Variants in AOAH observed in about 807,000 individuals in gnomAD.
The protein encoded by AOAH is acyloxyacyl hydrolase, also known as acyloxyacyl hydrolase (neutrophil).
Under a neutral mutation model 92.2 loss-of-function variants are expected in AOAH, and 64 were observed. The observed-to-expected ratio is 0.69, with a 90% confidence interval of 0.57 to 0.86. The LOEUF is 0.86. Among genes scored for constraint, AOAH ranks in the 40% least tolerant of loss-of-function variants. The pLI is 0.00. For synonymous variants in AOAH, 263 were observed against 254.5 expected (o/e 1.03, Z -0.32); for missense variants, 656 against 694.6 (o/e 0.94, Z 0.62).
In AOAH at chr7:36,540,488, C is replaced by T; in HGVS notation, c.1137G>A (p.Lys379=). 6.2e-7 allele frequency: 1 copy of T among 1,603,896 alleles called. No homozygotes were observed. The highest frequency in any genetic ancestry group is 8.5e-7 in the Non-Finnish European group (1 of 1,175,424). The change falls in exon 16 of 21, where the codon AAG becomes AAA. Residue 379 remains lysine (K), a synonymous_variant. Coordinates refer to ENST00000617537, the MANE Select transcript of AOAH (RefSeq NM_001637.4). ...AMIGNDVCSG[K]SDPVPAMTTP... is the part of the protein sequence containing the mutation. The stretch of plus-strand genomic sequence containing the variant: ...TGGTCATGGCTGGGACTGGGTCACT[C>T]TTCCTGTTGGTGGAATAAACAGAAA...
chr7:36,587,271 CAAAAAAAA>C (rs57475443), intron 12 of AOAH, among the ~76,000 whole-genome samples: 3 of 84,914 alleles, frequency 3.5e-5, no homozygotes, highest in Non-Finnish European at 7.2e-5. Flanking sequence ...GACTCCGTCT[CAAAAAAAA>C]AAAAAAAAAA....
intron 14 of AOAH, 49 bp downstream of exon 14, chr7:36,549,390 A>G: frequency 7.2e-7 from 1 of 1,392,058 alleles, no homozygotes; most frequent in Non-Finnish European, 1.0e-6. Flanking sequence ...TTCATTCCTT[A>G]TTCAAAATGA....
chr7:36,513,024 A>T lies in AOAH; in HGVS notation c.*228T>A, dbSNP rs1429096565. The stretch of plus-strand genomic sequence containing the variant: ...TTTGGAATGGCACCCAAAGCACTTT[A>T]TGAAAGGTTATTTCAGGAACAGCGG... On this transcript the variant is annotated 3_prime_UTR_variant, in exon 21 of 21. Coordinates refer to ENST00000617537, the MANE Select transcript of AOAH (RefSeq NM_001637.4). 6.5e-7 allele frequency: 1 copy of T among 1,533,176 alleles called. No individual in the cohort carries two copies. Among genetic ancestry groups the T allele is most frequent in the South Asian group, 1.2e-5 (1 of 84,020 alleles). The allele number at this position is 1,533,176 out of a possible 1,614,324, so 95.0% of individuals were successfully genotyped here.
chr7:36,626,620 G>A (rs1792682999), intron 6 of AOAH, among the ~76,000 whole-genome samples: 1 of 152,160 alleles, frequency 6.6e-6, no homozygotes, highest in Non-Finnish European at 1.5e-5. Flanking sequence ...ATCATACTTA[G>A]TGTGAAAATT....
At chr7:36,613,958 T>A (rs1347103002) in intron 11 of AOAH, among the ~76,000 whole-genome samples, 1 of 152,192 alleles carries the variant, frequency 6.6e-6, no homozygotes, top group Non-Finnish European at 1.5e-5. Context: ...GCTTGCCCAG[T>A]GTGGGGGCTT....
At chr7:36,712,073 T>G (rs532133216) in intron 1 of AOAH, among the ~76,000 whole-genome samples, 1 of 152,224 alleles carries the variant, frequency 6.6e-6, no homozygotes, top group Non-Finnish European at 1.5e-5. Context: ...CGTTTAGTTA[T>G]AGAGAAATAG....
chr7:36,651,513 C>T (rs1306122348), intron 4 of AOAH, among the ~76,000 whole-genome samples: 1 of 152,200 alleles, frequency 6.6e-6, no homozygotes, highest in Non-Finnish European at 1.5e-5. Flanking sequence ...AGTAAGCGAA[C>T]ATGTCAGTGG....
chr7:36,530,107 A>G (rs892536181), intron 19 of AOAH, among the ~76,000 whole-genome samples: 2 of 152,174 alleles, frequency 1.3e-5, no homozygotes, highest in Non-Finnish European at 2.9e-5. Flanking sequence ...CCCGACAAGA[A>G]CAGGTTAGTG....
intron 11 of AOAH, 21 bp from the exon 12 acceptor site, chr7:36,594,451 G>A: frequency 1.9e-6 from 3 of 1,584,910 alleles, no homozygotes; most frequent in Non-Finnish European, 2.6e-6. Flanking sequence ...CAATAAAGTA[G>A]CAATTATCAA....
At chr7:36,690,689 G>A (rs566953565) in intron 1 of AOAH, among the ~76,000 whole-genome samples, 10 of 152,260 alleles carry the variant, frequency 6.6e-5, no homozygotes, top group Middle Eastern at 3.4e-3. Flanking sequence ...AAGAGGGGGC[G>A]AGAGCTATGC....
intron 1 of AOAH, among the ~76,000 whole-genome samples, chr7:36,711,945 C>A (rs188639083): frequency 1.4e-4 from 21 of 152,276 alleles, no homozygotes; most frequent in African/African-American, 4.3e-4. Context: ...AAGATCAACC[C>A]TCACAGAGGA....
chr7:36,532,031 A>T, intron 18 of AOAH, 116 bp downstream of exon 18: 1 of 1,250,272 alleles, frequency 8.0e-7, no homozygotes, highest in Non-Finnish European at 1.2e-6. Context: ...TGATTTTGTT[A>T]TTCACCAGCT....
intron 3 of AOAH, among the ~76,000 whole-genome samples, chr7:36,671,842 G>A (rs1470745338): frequency 1.3e-5 from 2 of 152,170 alleles, no homozygotes; most frequent in African/African-American, 4.8e-5. Context: ...GTGTGCTATG[G>A]AGTGGCAAGG....
chr7:36,649,828 G>A (rs140141539), intron 4 of AOAH, among the ~76,000 whole-genome samples: 10 of 152,336 alleles, frequency 6.6e-5, no homozygotes, highest in South Asian at 4.1e-4. Context: ...CTGGCAGGGT[G>A]TCCGCTGTGC....
intron 15 of AOAH, among the ~76,000 whole-genome samples, chr7:36,541,587 T>A (rs1375230916): frequency 6.6e-6 from 1 of 152,234 alleles, no homozygotes; most frequent in East Asian, 1.9e-4. Flanking sequence ...AAAGTTATGT[T>A]TGGGTGCTAT....
intron 11 of AOAH, among the ~76,000 whole-genome samples, chr7:36,608,913 G>GA (rs889997268): frequency 8.6e-6 from 1 of 116,372 alleles, no homozygotes; most frequent in Non-Finnish European, 1.7e-5. Context: ...GGCGGGGAGG[G>GA]GGGGGGGTCT....
chr7:36,519,048 C>T (rs962971710), intron 20 of AOAH, among the ~76,000 whole-genome samples: 2 of 152,096 alleles, frequency 1.3e-5, no homozygotes, highest in Non-Finnish European at 2.9e-5. Flanking sequence ...TGTTTTTCTC[C>T]GTCTCTCTGG....
At chr7:36,578,772 GTT>G (rs1432401024) in intron 12 of AOAH, among the ~76,000 whole-genome samples, 1 of 152,002 alleles carries the variant, frequency 6.6e-6, no homozygotes, top group East Asian at 1.9e-4. Flanking sequence ...ACTGCCTTTT[GTT>G]TCTTTCCTTA....
intron 12 of AOAH, 91 bp downstream of exon 12, chr7:36,594,248 C>A: frequency 1.0e-6 from 1 of 985,524 alleles, no homozygotes; most frequent in South Asian, 1.3e-5. Flanking sequence ...CCTAATAATT[C>A]GCATTTCAAC....
Sources: allele counts gnomAD v4.1 joint callset (sites outside exome capture counted in the v4.1 genomes callset), GRCh38; gene constraint gnomAD v4.1.1; transcripts MANE v1.5; gene names NCBI Gene and HGNC (gene_info 2026-07-23, HGNC 2026-07-21).